The following TNXB variants were observed in gnomAD, a reference collection of about 807,000 sequenced individuals.
TNXB encodes tenascin-X.
TNXB carries 183 observed loss-of-function variants against 340.5 expected under a neutral mutation model. The ratio of observed to expected loss-of-function variants is 0.54; its 90% CI spans 0.48 to 0.61. The LOEUF is 0.61. Ranked by LOEUF, TNXB falls within the 20% of genes least tolerant of loss-of-function variation. TNXB has a pLI of 0.00. For missense variants in TNXB, 4,613 were observed against 5,446.4 expected (o/e 0.85, Z 4.82); for synonymous variants, 2,121 against 2,314.5 (o/e 0.92, Z 2.40).
rs1023235855 is a variant in TNXB at position 32,064,269 on chromosome 6, G to A, written c.6841+552C>T. Among the ~76,000 whole-genome samples, 1 of 152,200 alleles carries A rather than the reference G, an allele frequency of 6.6e-6. No homozygotes were observed. The highest frequency in any genetic ancestry group is 2.4e-5 in the African/African-American group (1 of 41,434). On this transcript the variant is annotated intron_variant, in intron 19 of 43. Coordinates refer to ENST00000644971, the MANE Select transcript of TNXB (RefSeq NM_001365276.2). The surrounding 1 kb of genome is among the most constrained non-coding windows in gnomAD (Gnocchi z 5.3). ...ACTCTGTCACACAGGCTGGAGTGCA[G>A]TGGCTCGATCTCGGCTCACTGCAAC...
At position 32,048,106 on chromosome 6, in the gene TNXB, G is replaced by A. The variant is rs992025123; in HGVS notation, c.10046-94C>T. ...CTATGGCTCTGTGAGCCGGTCCCAGGAACGGGAGGGTGACTGGGCCAGGAG... is the reference window on the plus strand; with the variant it reads ...CTATGGCTCTGTGAGCCGGTCCCAGAAACGGGAGGGTGACTGGGCCAGGAG... On this transcript the variant is annotated intron_variant, in intron 29 of 43. Transcript: ENST00000644971. 13 of 1,435,648 alleles carry A rather than the reference G, an allele frequency of 9.1e-6. No homozygotes were observed. In the African/African-American group the frequency reaches 1.8e-4, roughly 20 times the overall value. The allele number at this position is 1,435,648 out of a possible 1,614,324, so 88.9% of individuals were successfully genotyped here. A position where few individuals can be genotyped will look rare whatever the true frequency, so the allele number is the denominator to read the frequency against.
intron 23 of TNXB, 113 bp from the exon 24 acceptor site, chr6:32,056,287 A>C: frequency 3.0e-6 from 4 of 1,347,818 alleles, no homozygotes; most frequent in Non-Finnish European, 4.0e-6. Context: ...TCATTTCAGA[A>C]AAGCCCATTC....
intron 28 of TNXB, among the ~76,000 whole-genome samples, 199 bp from the exon 29 acceptor site, chr6:32,048,849 A>G (rs574279936): frequency 9.2e-5 from 14 of 152,382 alleles, no homozygotes; most frequent in African/African-American, 2.9e-4. Flanking sequence ...AGTGGGTGCC[A>G]TTATTATCAT....
At position 32,096,581 on chromosome 6, in the gene TNXB, C is replaced by T. The variant is rs975060681; in HGVS notation, c.1272G>A (p.Gly424=). 11 of 1,591,838 alleles carry T rather than the reference C, an allele frequency of 6.9e-6. No homozygotes were observed. Among genetic ancestry groups the T allele is most frequent in the African/African-American group, 2.7e-5 (2 of 73,968 alleles). ...GCGAGCCGCAATCGGTTCCAGTGTACCCCGGCCAGCACACGCAGCGGCCGT... is the reference window on the plus strand; with the variant it reads ...GCGAGCCGCAATCGGTTCCAGTGTATCCCGGCCAGCACACGCAGCGGCCGT... ...CEDGRCVCWP[G]YTGTDCGSRA... The change falls in exon 3 of 44, where the codon GGG becomes GGA. Residue 424 remains glycine (G), a synonymous_variant. Coordinates refer to ENST00000644971, the MANE Select transcript of TNXB (RefSeq NM_001365276.2).
rs1216668533 is a variant in TNXB at position 32,051,534 on chromosome 6, A to G, written c.9115+1136T>C. On this transcript the variant is annotated intron_variant, in intron 26 of 43. Coordinates refer to ENST00000644971, the MANE Select transcript of TNXB (RefSeq NM_001365276.2). This position sits in a 1 kb window ranked among gnomAD's most constrained non-coding sequence, Gnocchi z 4.7. ...TAGCTAAGAGGTGGAAGCAACCCAG[A>G]TGTCCATCAATGGATGAAAGGATGA... Among the ~76,000 whole-genome samples the G allele has an allele frequency of 1.3e-5, 2 of 152,260 alleles. No individual in the cohort carries two copies. The highest frequency in any genetic ancestry group is 2.9e-5 in the Non-Finnish European group (2 of 68,042).
intron 6 of TNXB, 106 bp from the exon 7 acceptor site, chr6:32,086,224 C>T: frequency 1.5e-6 from 2 of 1,328,924 alleles, no homozygotes; most frequent in Non-Finnish European, 2.0e-6. Flanking sequence ...CCTTGTTCTA[C>T]TTCTACTTCT....
chr6:32,047,393 T>A lies in TNXB; in HGVS notation c.10324+341A>T, dbSNP rs569633939. On this transcript the variant is annotated intron_variant, in intron 30 of 43. Transcript: ENST00000644971. This position sits in a 1 kb window ranked among gnomAD's most constrained non-coding sequence, Gnocchi z 6.2. ...GAGGAGGATGGGAACCACTACTGAG[T>A]CCAGCGCCATTCCCAGCATTATGCA... Among the ~76,000 whole-genome samples the A allele has an allele frequency of 5.5e-4, 84 of 152,050 alleles. No individual in the cohort carries two copies. Among genetic ancestry groups the A allele is most frequent in the African/African-American group, 1.9e-3 (79 of 41,464 alleles).
rs779979414 is a variant in TNXB, at chr6:32,050,312, T to C, written c.9125A>G (p.Asp3042Gly). 1.4e-5 allele frequency: 22 copies of C among 1,612,548 alleles called. No homozygotes were observed. In the South Asian group the frequency reaches 2.3e-4, roughly 17 times the overall value. ...CACTGCTTGGGTGGTCTCGGCTTCA[T>C]CCTTTGGAGCTGGACAGACACGTGT... ...VSAVGVTAPK[D>G]EAETTQAVPT... Residue 3042 changes from aspartate (D) to glycine (G), a missense_variant, in exon 27 of 44, where the codon GAT becomes GGT. By Grantham distance (94) the Asp-to-Gly change is moderately conservative (BLOSUM62 -1). Around this residue, in one of 7 missense-constraint regions of TNXB, gnomAD observed 4,327 missense variants for 4,859.4 expected, o/e 0.89. Coordinates refer to ENST00000644971, the MANE Select transcript of TNXB (RefSeq NM_001365276.2).
At position 32,067,993 on chromosome 6, in the gene TNXB, G is replaced by A; in HGVS notation, c.6221-9C>T. On this transcript the variant is annotated splice_polypyrimidine_tract_variant and intron_variant, in intron 17 of 43. Transcript: ENST00000644971. The surrounding 1 kb of genome is among the most constrained non-coding windows in gnomAD (Gnocchi z 4.2). Reference sequence around the variant, plus strand: ...GGTCTCTTCCTCTGCAGCTGAGAAGGAGGAAGAGAGAGTGAGGGGGATGTC... The same window carrying A: ...GGTCTCTTCCTCTGCAGCTGAGAAGAAGGAAGAGAGAGTGAGGGGGATGTC... 1 of 1,608,290 alleles carries A rather than the reference G, an allele frequency of 6.2e-7. No homozygotes were observed. Among genetic ancestry groups the A allele is most frequent in the Non-Finnish European group, 8.5e-7 (1 of 1,176,794 alleles).
chr6:32,081,564 T>C lies in TNXB; in HGVS notation c.3846A>G (p.Thr1282=), dbSNP rs1779441222. The change falls in exon 10 of 44, where the codon ACA becomes ACG. Residue 1282 remains threonine (T), a synonymous_variant. Coordinates refer to ENST00000644971, the MANE Select transcript of TNXB (RefSeq NM_001365276.2). This position sits in a 1 kb window ranked among gnomAD's most constrained non-coding sequence, Gnocchi z 5.1. ...VTPDSLRLSW[T]VAQGPFDSFM... ...ATGAGTCGAAGGGGCCCTGGGCCAC[T>C]GTCCATGAGAGACGCAAGGAGTCTG... 2 of 1,603,494 alleles carry C rather than the reference T, an allele frequency of 1.2e-6. No individual in the cohort carries two copies. The highest frequency in any genetic ancestry group is 3.4e-5 in the Admixed American group (2 of 58,512).
chr6:32,071,275 C>A (rs1384358194), intron 13 of TNXB, among the ~76,000 whole-genome samples: 1 of 152,122 alleles, frequency 6.6e-6, no homozygotes, highest in Non-Finnish European at 1.5e-5. Context: ...CTGTAGGAGG[C>A]ACATATGGGC....
chr6:32,098,366 T>C lies in TNXB; in HGVS notation c.-8-160A>G, dbSNP rs116248925. Among the ~76,000 whole-genome samples, 304 of 152,236 alleles carry C rather than the reference T, an allele frequency of 2.0e-3. 2 individuals carry two copies. The highest frequency in any genetic ancestry group is 7.0e-3 in the African/African-American group (289 of 41,526). On this transcript the variant is annotated intron_variant, in intron 1 of 43. Coordinates refer to ENST00000644971, the MANE Select transcript of TNXB (RefSeq NM_001365276.2). ...TTCCGCCCAACCCTAAAGGATACCCTCCCTGGGCAAGTCTGTTCTCTACCT... is the reference window on the plus strand; with the variant it reads ...TTCCGCCCAACCCTAAAGGATACCCCCCCTGGGCAAGTCTGTTCTCTACCT...
rs375764263 is a variant in TNXB, at chr6:32,061,476, A to G, written c.7413T>C (p.Pro2471=). 2,021 of 1,613,412 alleles carry G rather than the reference A, an allele frequency of 1.3e-3. 41 individuals carry two copies. In the South Asian group the frequency reaches 0.02, roughly 16 times the overall value. Residue 2471 remains proline (P), a synonymous_variant, in exon 21 of 44, where the codon CCT becomes CCC. Transcript: ENST00000644971. This position sits in a 1 kb window ranked among gnomAD's most constrained non-coding sequence, Gnocchi z 4.4. ...ESEVTVGGLE[P]GRKYKMHLYG... The stretch of plus-strand genomic sequence containing the variant: ...ACAGGTGCATCTTGTATTTGCGCCC[A>G]GGCTCCAGGCCCCCCACGGTGACCT...
chr6:32,055,967 C>A lies in TNXB; in HGVS notation c.8351G>T (p.Gly2784Val). Residue 2784 changes from glycine to valine, a missense_variant, in exon 24 of 44, where the codon GGC (glycine) becomes GTC (valine). By Grantham distance (109) the Gly-to-Val change is moderately radical (BLOSUM62 -3). This residue lies in a region of TNXB where 4,327 missense variants were observed against 4,859.4 expected (regional missense o/e 0.89). Coordinates refer to ENST00000644971, the MANE Select transcript of TNXB (RefSeq NM_001365276.2). ...CCCCACGGTGACCTCGCTCTCCTCG[C>A]CCCTGACACGCATCACCTGGGGCCG... The part of the protein sequence containing the change: ...DGRPQVMRVR[G>V]EESEVTVGGL... 2 of 1,613,496 alleles carry A rather than the reference C, an allele frequency of 1.2e-6. No homozygotes were observed. Among genetic ancestry groups the A allele is most frequent in the Non-Finnish European group, 1.7e-6 (2 of 1,179,882 alleles).
In TNXB at chr6:32,055,951, G is replaced by T; in HGVS notation, c.8367C>A (p.Val2789=). The T allele has an allele frequency of 6.2e-7, 1 of 1,613,530 alleles. No individual in the cohort carries two copies. Among genetic ancestry groups the T allele is most frequent in the Non-Finnish European group, 8.5e-7 (1 of 1,179,880 alleles). The change falls in exon 24 of 44, where the codon GTC becomes GTA. Residue 2789 remains valine (V), a synonymous_variant. Coordinates refer to ENST00000644971, the MANE Select transcript of TNXB (RefSeq NM_001365276.2). ...VMRVRGEESE[V]TVGGLEPGRK... ...GCCCGGGCTCCAGGCCCCCCACGGT[G>T]ACCTCGCTCTCCTCGCCCCTGACAC...
chr6:32,095,653 A>G lies in TNXB; in HGVS notation c.2200T>C (p.Cys734Arg). Reference sequence around the variant, plus strand: ...CCAGCATACCCATCTTTGCAGACACAGCTGCCATCGTGACACTCTCCTCGG... The same window carrying G: ...CCAGCATACCCATCTTTGCAGACACGGCTGCCATCGTGACACTCTCCTCGG... ...RGRGECHDGS[C>R]VCKDGYAGED... The change falls in exon 3 of 44, where the codon TGT becomes CGT. Residue 734 changes from cysteine (C) to arginine (R), a missense_variant. Transcript: ENST00000644971. 1 of 1,613,956 alleles carries G rather than the reference A, an allele frequency of 6.2e-7. No individual in the cohort carries two copies.
At chr6:32,043,637 C>A in intron 35 of TNXB, 81 bp from the exon 36 acceptor site, 1 of 1,488,714 alleles carries the variant, frequency 6.7e-7, no homozygotes, top group South Asian at 1.1e-5. Context: ...GGCCTCCCGT[C>A]CGCAATCGGA....
At chr6:32,060,956 A>G (rs1777970019) in intron 21 of TNXB, among the ~76,000 whole-genome samples, 1 of 151,928 alleles carries the variant, frequency 6.6e-6, no homozygotes, top group African/African-American at 2.4e-5. Flanking sequence ...TCTTTTTTCA[A>G]TGTAACATTA....
chr6:32,100,389 G>A (rs1010419676), intron 1 of TNXB, among the ~76,000 whole-genome samples: 1 of 152,160 alleles, frequency 6.6e-6, no homozygotes, highest in Non-Finnish European at 1.5e-5. Context: ...ACAGGCTTGA[G>A]TCACTGCACC....
Sources: allele counts gnomAD v4.1 joint callset (sites outside exome capture counted in the v4.1 genomes callset), GRCh38; gene constraint gnomAD v4.1.1; regional missense constraint gnomAD v4.1.1; non-coding constraint Gnocchi (gnomAD v3.1); transcripts MANE v1.5; gene names NCBI Gene and HGNC (gene_info 2026-07-23, HGNC 2026-07-21).